Variants in GBF1 observed in about 807,000 individuals in gnomAD.
The protein encoded by GBF1 is golgi brefeldin A resistant guanine nucleotide exchange factor 1, also known as Golgi-specific brefeldin A-resistance guanine nucleotide exchange factor 1.
GBF1 carries 114 observed loss-of-function variants against 210.5 expected under a neutral mutation model. That is an observed-to-expected ratio of 0.54 (90% CI 0.47 to 0.63). The LOEUF is 0.63. GBF1 is among the 30% of genes least tolerant of loss of function. The probability of loss-of-function intolerance (pLI) is 0.00; values close to 1 mark genes in which losing one functional copy is unlikely to be tolerated. For missense variants in GBF1, 1,851 were observed against 2,357.7 expected, an observed-to-expected ratio of 0.79 and a Z score of 4.45; for synonymous variants, 850 against 889.2, an observed-to-expected ratio of 0.96 and a Z score of 0.78.
At chr10:102,367,250 C>T (rs1437366622) in intron 20 of GBF1, 40 bp downstream of exon 20, 2 of 1,603,220 alleles carry the variant, frequency 1.2e-6, no homozygotes, top group Non-Finnish European at 1.7e-6. Flanking sequence ...AGACCCAGCA[C>T]AGCTTGGGAG....
rs140060820 is a variant in GBF1, at chr10:102,324,088, C to G, written c.164-19963C>G. 3.9e-3 allele frequency among the ~76,000 whole-genome samples: 595 copies of G among 152,218 alleles called. 2 individuals carry two copies. The highest frequency in any genetic ancestry group is 6.8e-3 in the Middle Eastern group (2 of 294). ...TTCCTTTTCTTTTTTTCACAAAATA[C>G]TTCTTCCTACCCTGGATTTGCTAAC... On this transcript the variant is annotated intron_variant, in intron 3 of 39. Coordinates refer to ENST00000369983, the MANE Select transcript of GBF1 (RefSeq NM_001377137.1).
chr10:102,237,270 C>T, the GBF1 span, among the ~76,000 whole-genome samples: 5 of 152,116 alleles, frequency 3.3e-5, no homozygotes, highest in South Asian at 1.0e-3. Context: ...GAAGGTGGTA[C>T]CGAGTGTTGG....
chr10:102,267,502 T>TCAACAACAA (rs10682113), intron 3 of GBF1, among the ~76,000 whole-genome samples: 7 of 151,144 alleles, frequency 4.6e-5, no homozygotes, highest in South Asian at 4.2e-4. Context: ...AGACTCCATC[T>TCAACAACAA]CAACAACAAC....
chr10:102,282,064 C>G (rs1181769699), intron 3 of GBF1, among the ~76,000 whole-genome samples: 3 of 150,694 alleles, frequency 2.0e-5, no homozygotes, highest in Non-Finnish European at 4.4e-5. Flanking sequence ...GTAGCTGGGA[C>G]TACAGGCGCC....
intron 3 of GBF1, among the ~76,000 whole-genome samples, chr10:102,315,798 C>G (rs1435933576): frequency 6.6e-6 from 1 of 152,088 alleles, no homozygotes; most frequent in Non-Finnish European, 1.5e-5. Context: ...GTTGGGGACC[C>G]CTGCTGTAGG....
intron 3 of GBF1, among the ~76,000 whole-genome samples, chr10:102,323,974 C>A (rs933136865): frequency 6.6e-6 from 1 of 152,126 alleles, no homozygotes; most frequent in Non-Finnish European, 1.5e-5. Context: ...CCCCTCTTTT[C>A]CCCAGCATAA....
intron 1 of GBF1, among the ~76,000 whole-genome samples, chr10:102,248,821 G>T (rs1206653159): frequency 6.6e-6 from 1 of 152,040 alleles, no homozygotes; most frequent in African/African-American, 2.4e-5. Context: ...ATTTTGTAGA[G>T]ACAAGGTCTC....
At position 102,280,954 on chromosome 10, in the gene GBF1, TTTC is replaced by T. The variant is rs761833087; in HGVS notation, c.163+20844_163+20846del. Reference sequence around the variant, plus strand: ...TTTCCTGCACTTCTGGGACTTTTGCTTTCTTCTTTTTCTTTTTTTTCCCAGGGC... The same window carrying T: ...TTTCCTGCACTTCTGGGACTTTTGCTTTCTTTTTCTTTTTTTTCCCAGGGC... On this transcript the variant is annotated intron_variant, in intron 3 of 39. Transcript: ENST00000369983. Among the ~76,000 whole-genome samples the T allele has an allele frequency of 9.2e-5, 14 of 152,342 alleles. No homozygotes were observed. In the South Asian group the frequency reaches 1.0e-3, roughly 11 times the overall value.
rs1001395100 is a variant in GBF1 at position 102,330,505 on chromosome 10, G to A, written c.164-13546G>A. Among the ~76,000 whole-genome samples, 4 of 152,034 alleles carry A rather than the reference G, an allele frequency of 2.6e-5. No individual in the cohort carries two copies. In the East Asian group the frequency reaches 7.7e-4, roughly 29 times the overall value. On this transcript the variant is annotated intron_variant, in intron 3 of 39. Transcript: ENST00000369983. The stretch of plus-strand genomic sequence containing the variant: ...TCAAGACCAGCCTGGCCAACATGGC[G>A]AAACCCCGTCTCTACTAAAAATACA...
chr10:102,362,649 C>G lies in GBF1; in HGVS notation c.1861C>G (p.Arg621Gly). The change falls in exon 15 of 40, where the codon CGA (arginine) becomes GGA (glycine). Residue 621 changes from arginine (R) to glycine (G), a missense_variant. Around this residue, in one of 3 missense-constraint regions of GBF1, gnomAD observed 804 missense variants for 958.6 expected, o/e 0.84. Coordinates refer to ENST00000369983, the MANE Select transcript of GBF1 (RefSeq NM_001377137.1). ...AAGCTGTGAGATAGTAGATGGCACC[C>G]GAGAAGCTAGCAATAGTGAGAGGCA... is the stretch of plus-strand genomic sequence containing the variant. ...RPSCEIVDGTREASNTERTAS... is the reference protein window; with the variant it reads ...RPSCEIVDGTGEASNTERTAS... 1 of 1,613,440 alleles carries G rather than the reference C, an allele frequency of 6.2e-7. No homozygotes were observed. The highest frequency in any genetic ancestry group is 8.5e-7 in the Non-Finnish European group (1 of 1,179,382).
chr10:102,353,774 C>A lies in GBF1; in HGVS notation c.639+120C>A, dbSNP rs2059138330. On this transcript the variant is annotated intron_variant, in intron 8 of 39. Coordinates refer to ENST00000369983, the MANE Select transcript of GBF1 (RefSeq NM_001377137.1). The stretch of plus-strand genomic sequence containing the variant: ...TTGCCTAAACAGGTCTGCTTGGAAT[C>A]TAGAAGTAGCTCTCACTCCTTTCGT... 16 of 696,700 alleles carry A rather than the reference C, an allele frequency of 2.3e-5. No individual in the cohort carries two copies. The East Asian group carries it at 3.9e-4, about 17-fold the overall frequency. The allele number at this position is 696,700 out of a possible 1,614,324, so 43.2% of individuals were successfully genotyped here.
chr10:102,272,469 T>A (rs1368169442), intron 3 of GBF1, among the ~76,000 whole-genome samples: 1 of 152,256 alleles, frequency 6.6e-6, no homozygotes, highest in East Asian at 1.9e-4. Flanking sequence ...CTCCTAATTT[T>A]GAAATACGTT....
At position 102,369,353 on chromosome 10, in the gene GBF1, T is replaced by C; in HGVS notation, c.3116T>C (p.Phe1039Ser). ...ATCATGGAGGCCATGCTGCAGCTCT[T>C]CCGAGCCCAACTACTGCCCAAGGCT... ...KNIMEAMLQL[F>S]RAQLLPKAMI... Residue 1039 changes from phenylalanine to serine, a missense_variant, in exon 24 of 40, where the codon TTC (phenylalanine) becomes TCC (serine). Phe to Ser is a radical substitution (Grantham distance 155). Around this residue, in one of 3 missense-constraint regions of GBF1, gnomAD observed 967 missense variants for 1,247.7 expected, o/e 0.78. Transcript: ENST00000369983. The C allele has an allele frequency of 6.2e-7, 1 of 1,613,860 alleles. No individual in the cohort carries two copies. Among genetic ancestry groups the C allele is most frequent in the South Asian group, 1.1e-5 (1 of 91,082 alleles).
At chr10:102,235,179 A>C in the GBF1 span, among the ~76,000 whole-genome samples, 62,660 of 93,432 alleles carry the variant, frequency 0.67, 17,637 homozygotes, top group East Asian at 0.75. Context: ...CCCACCCCCC[A>C]CCCCCCCACC....
At chr10:102,351,064 G>C (rs1450378570) in intron 4 of GBF1, among the ~76,000 whole-genome samples, 192 bp from the exon 5 acceptor site, 6 of 148,878 alleles carry the variant, frequency 4.0e-5, no homozygotes, top group African/African-American at 1.5e-4. Flanking sequence ...TCCAGCCTGG[G>C]CCACAAAGTG....
the GBF1 span, among the ~76,000 whole-genome samples, chr10:102,232,434 G>A: frequency 2.0e-5 from 3 of 152,212 alleles, no homozygotes; most frequent in Admixed American, 1.3e-4. Flanking sequence ...TGTAATCCCA[G>A]CACTTTGGGA....
At chr10:102,303,462 C>G (rs1303024437) in intron 3 of GBF1, among the ~76,000 whole-genome samples, 3 of 152,264 alleles carry the variant, frequency 2.0e-5, no homozygotes, top group Admixed American at 6.5e-5. Context: ...ATGTCTGTAC[C>G]TATTTCTCCT....
intron 8 of GBF1, among the ~76,000 whole-genome samples, chr10:102,355,838 A>G (rs913572924): frequency 6.6e-6 from 1 of 152,158 alleles, no homozygotes; most frequent in African/African-American, 2.4e-5. Context: ...TCTCTCATTG[A>G]TCTCTTGGCC....
chr10:102,325,025 CATAT>C (rs1281804964), intron 3 of GBF1, among the ~76,000 whole-genome samples: 1 of 152,220 alleles, frequency 6.6e-6, no homozygotes, highest in Non-Finnish European at 1.5e-5. Context: ...ATGCACTCTA[CATAT>C]GATTATTTTC....
Sources: allele counts gnomAD v4.1 joint callset (sites outside exome capture counted in the v4.1 genomes callset), GRCh38; gene constraint gnomAD v4.1.1; regional missense constraint gnomAD v4.1.1; transcripts MANE v1.5; gene names NCBI Gene and HGNC (gene_info 2026-07-23, HGNC 2026-07-21).